The following ZNF292 variants were observed in gnomAD, a reference collection of about 807,000 sequenced individuals.
The protein encoded by ZNF292 is 16 zinc-finger domain protein.
A neutral mutation model predicts 217.9 loss-of-function variants in ZNF292; 26 were observed. That is an observed-to-expected ratio of 0.12 (90% confidence interval 0.09 to 0.17). The LOEUF (loss-of-function observed/expected upper bound fraction) is 0.17, where lower values mean the gene tolerates loss of function less well. Ranked by LOEUF, ZNF292 falls within the 10% of genes least tolerant of loss-of-function variation. The pLI is 1.00. For synonymous variants in ZNF292, 1,257 were observed against 1,124.1 expected (o/e 1.12, Z -2.37); for missense variants, 2,904 against 3,175.2 (o/e 0.91, Z 2.05).
chr6:87,226,449 G>A (rs1773347135), intron 4 of ZNF292, among the ~76,000 whole-genome samples: 1 of 151,700 alleles, frequency 6.6e-6, no homozygotes, highest in Admixed American at 6.6e-5. Context: ...AACTAATGTT[G>A]CCCAGGTAAA....
chr6:87,206,071 C>T (rs1168463634), intron 1 of ZNF292, among the ~76,000 whole-genome samples: 1 of 152,168 alleles, frequency 6.6e-6, no homozygotes, highest in Non-Finnish European at 1.5e-5. Flanking sequence ...AACAGGATGA[C>T]ATCTACCTCT....
chr6:87,244,112 G>A (rs117732180), intron 6 of ZNF292, among the ~76,000 whole-genome samples: 1,789 of 152,266 alleles, frequency 0.012, 18 homozygotes, highest in Non-Finnish European at 0.019. Flanking sequence ...AGTCTTCAGT[G>A]TTGTGTTGAT....
At chr6:87,230,035 C>G (rs1582460299) in intron 4 of ZNF292, among the ~76,000 whole-genome samples, 1 of 152,154 alleles carries the variant, frequency 6.6e-6, no homozygotes, top group East Asian at 1.9e-4. Flanking sequence ...AGTATTTAGG[C>G]ATTGGAAGTG....
At chr6:87,239,792 T>C (rs574836087) in intron 5 of ZNF292, among the ~76,000 whole-genome samples, 2 of 129,782 alleles carry the variant, frequency 1.5e-5, no homozygotes, top group Admixed American at 7.8e-5. Flanking sequence ...TCTCAGACAA[T>C]GGGCAGCCGA....
At chr6:87,156,560 C>T (rs1770547194) in intron 1 of ZNF292, among the ~76,000 whole-genome samples, 1 of 152,208 alleles carries the variant, frequency 6.6e-6, no homozygotes, top group African/African-American at 2.4e-5. Flanking sequence ...ATGATTTCCA[C>T]TATCCTTTCT....
At chr6:87,196,543 T>C (rs1206171846) in intron 1 of ZNF292, among the ~76,000 whole-genome samples, 2 of 152,254 alleles carry the variant, frequency 1.3e-5, no homozygotes, top group African/African-American at 2.4e-5. Context: ...GGAAAAGTTA[T>C]GTGATTGCTT....
At chr6:87,178,111 T>TA (rs1771359881) in intron 1 of ZNF292, among the ~76,000 whole-genome samples, 1 of 152,214 alleles carries the variant, frequency 6.6e-6, no homozygotes, top group South Asian at 2.1e-4. Flanking sequence ...CTATTCAAAT[T>TA]CTACATTTTC....
chr6:87,225,457 T>C (rs759961894), intron 4 of ZNF292, among the ~76,000 whole-genome samples: 1 of 152,176 alleles, frequency 6.6e-6, no homozygotes, highest in Non-Finnish European at 1.5e-5. Context: ...CAAGGCCATA[T>C]AGATTTTTCT....
intron 4 of ZNF292, among the ~76,000 whole-genome samples, chr6:87,221,336 G>T (rs1340310757): frequency 2.6e-5 from 4 of 152,136 alleles, no homozygotes; most frequent in Admixed American, 2.6e-4. Flanking sequence ...ATAATCTTGG[G>T]ATTGGAAAGG....
At chr6:87,201,209 C>G (rs1772090353) in intron 1 of ZNF292, among the ~76,000 whole-genome samples, 1 of 152,156 alleles carries the variant, frequency 6.6e-6, no homozygotes, top group Non-Finnish European at 1.5e-5. Context: ...ATATGAGATA[C>G]AAAATGTCTT....
At chr6:87,188,252 GTACAGTTA>G (rs1220220255) in intron 1 of ZNF292, among the ~76,000 whole-genome samples, 2 of 152,152 alleles carry the variant, frequency 1.3e-5, no homozygotes, top group Non-Finnish European at 2.9e-5. Flanking sequence ...CCTGCAAGTT[GTACAGTTA>G]TGAATGCATT....
At chr6:87,190,232 G>A (rs888517615) in intron 1 of ZNF292, among the ~76,000 whole-genome samples, 4 of 152,114 alleles carry the variant, frequency 2.6e-5, no homozygotes, top group Non-Finnish European at 4.4e-5. Context: ...ATAATACCAC[G>A]TAATAACTAA....
rs150890948 is a variant in ZNF292 at position 87,192,842 on chromosome 6, C to T, written c.169-23061C>T. Among the ~76,000 whole-genome samples, 737 of 152,268 alleles carry T rather than the reference C, an allele frequency of 4.8e-3. 6 individuals carry two copies. The highest frequency in any genetic ancestry group is 0.016 in the South Asian group (77 of 4,824). Reference sequence around the variant, plus strand: ...GACCATCAGGAACAGTATTGCATTGCACGTCCCTGTATTTTAAGTTCACAT... The same window carrying T: ...GACCATCAGGAACAGTATTGCATTGTACGTCCCTGTATTTTAAGTTCACAT... On this transcript the variant is annotated intron_variant, in intron 1 of 7. Coordinates refer to ENST00000369577, the MANE Select transcript of ZNF292 (RefSeq NM_015021.3).
chr6:87,193,538 CAAAA>C (rs981050787), intron 1 of ZNF292, among the ~76,000 whole-genome samples: 1 of 124,890 alleles, frequency 8.0e-6, no homozygotes, highest in Non-Finnish European at 1.7e-5. Flanking sequence ...AGAGACCTTC[CAAAA>C]AAAAAAAAGA....
intron 1 of ZNF292, among the ~76,000 whole-genome samples, chr6:87,177,981 T>C (rs1771355841): frequency 6.6e-6 from 1 of 152,218 alleles, no homozygotes; most frequent in Non-Finnish European, 1.5e-5. Flanking sequence ...TCTGTTCTTA[T>C]ACTACAGCTT....
chr6:87,222,101 C>T (rs1245297387), intron 4 of ZNF292, among the ~76,000 whole-genome samples: 1 of 151,970 alleles, frequency 6.6e-6, no homozygotes, highest in African/African-American at 2.4e-5. Flanking sequence ...CATATTAGAT[C>T]CCTTCTGTCT....
At chr6:87,171,808 A>G (rs988020616) in intron 1 of ZNF292, among the ~76,000 whole-genome samples, 5 of 152,124 alleles carry the variant, frequency 3.3e-5, no homozygotes, top group Non-Finnish European at 5.9e-5. Flanking sequence ...GCACCCTTTC[A>G]TTGTCTGGCA....
At position 87,259,240 on chromosome 6, in the gene ZNF292, C is replaced by T. The variant is rs1775422184; in HGVS notation, c.5611C>T (p.Pro1871Ser). Residue 1871 changes from proline to serine, a missense_variant, in exon 8 of 8, where the codon CCC becomes TCC. Coordinates refer to ENST00000369577, the MANE Select transcript of ZNF292 (RefSeq NM_015021.3). ...GATAAATACATCAGTGACACTGACT[C>T]CCACGCCTGTTAAATCAACTGCAGA... ...VLINTSVTLT[P>S]TPVKSTADIT... is the part of the protein sequence containing the mutation. 6.2e-7 allele frequency: 1 copy of T among 1,613,666 alleles called. No individual in the cohort carries two copies. Among genetic ancestry groups the T allele is most frequent in the Non-Finnish European group, 8.5e-7 (1 of 1,179,684 alleles).
In ZNF292 at chr6:87,255,354, A is replaced by C; in HGVS notation, c.1725A>C (p.Ala575=). ...KDGIYSCPIC[A]KNFNSKETFV... is the part of the protein sequence containing the mutation. ...GAATTTATAGTTGCCCCATATGTGC[A>C]AAGAACTTTAATTCTAAAGAAACTT... The change falls in exon 8 of 8, where the codon GCA becomes GCC. Residue 575 remains alanine, a synonymous_variant. Transcript: ENST00000369577. The C allele has an allele frequency of 1.2e-6, 2 of 1,613,770 alleles. No homozygotes were observed. The highest frequency in any genetic ancestry group is 1.7e-6 in the Non-Finnish European group (2 of 1,179,818).
Sources: gnomAD v4.1 joint callset for allele counts (sites outside exome capture counted in the v4.1 genomes callset) on GRCh38, gnomAD v4.1.1 for gene constraint, MANE v1.5 for transcripts, NCBI Gene and HGNC (gene_info 2026-07-23, HGNC 2026-07-21) for gene names.